Variants in GART observed in about 807,000 individuals in gnomAD.
The protein encoded by GART is phosphoribosylglycinamide formyltransferase, phosphoribosylglycinamide synthetase, phosphoribosylaminoimidazole synthetase, also known as trifunctional purine biosynthetic protein adenosine-3.
A neutral mutation model predicts 107.2 loss-of-function variants in GART; 43 were observed. That is an observed-to-expected ratio of 0.40 (90% CI 0.31 to 0.52). GART has a LOEUF of 0.52. Among genes scored for constraint, GART ranks in the 20% least tolerant of loss-of-function variants. The pLI, the probability that GART is intolerant of heterozygous loss-of-function variation, is 0.52. For missense variants in GART, 1,107 were observed against 1,206.5 expected, an observed-to-expected ratio of 0.92 and a Z score of 1.22; for synonymous variants, 434 against 427.0, an observed-to-expected ratio of 1.02 and a Z score of -0.20.
intron 16 of GART, among the ~76,000 whole-genome samples, chr21:33,513,117 G>C (rs2084818176): frequency 6.8e-6 from 1 of 147,500 alleles, no homozygotes; most frequent in Non-Finnish European, 1.5e-5. Flanking sequence ...GTGTGTGTGT[G>C]TGTGTGTGTG....
At chr21:33,508,745 G>C (rs1243902559) in intron 18 of GART, among the ~76,000 whole-genome samples, 1 of 151,924 alleles carries the variant, frequency 6.6e-6, no homozygotes, top group African/African-American at 2.4e-5. Flanking sequence ...TCGATCTCTT[G>C]ACCTTGTGAT....
intron 18 of GART, among the ~76,000 whole-genome samples, chr21:33,508,148 A>C (rs1312524226): frequency 6.6e-6 from 1 of 152,002 alleles, no homozygotes; most frequent in Non-Finnish European, 1.5e-5. Flanking sequence ...AGGATATGTA[A>C]TTGCTCCTAG....
intron 16 of GART, among the ~76,000 whole-genome samples, chr21:33,516,460 A>G (rs994856271): frequency 6.6e-6 from 1 of 151,948 alleles, no homozygotes; most frequent in Admixed American, 6.6e-5. Flanking sequence ...ACTTCTGCTC[A>G]CAGTCACCTT....
intron 2 of GART, among the ~76,000 whole-genome samples, chr21:33,538,562 T>TAGCAA: frequency 6.6e-6 from 1 of 152,270 alleles, no homozygotes; most frequent in South Asian, 2.1e-4. Context: ...AATACTAAAC[T>TAGCAA]TTCCATTTAC....
intron 15 of GART, 46 bp from the exon 16 acceptor site, chr21:33,517,187 A>C: frequency 1.3e-6 from 2 of 1,574,832 alleles, no homozygotes; most frequent in Non-Finnish European, 1.7e-6. Flanking sequence ...ATGAATAGAA[A>C]ACCAAAACAT....
In GART at chr21:33,509,917, G is replaced by C. The variant is rs2084754649; in HGVS notation, c.2318C>G (p.Ser773Cys). 6.2e-7 allele frequency: 1 copy of C among 1,609,552 alleles called. No homozygotes were observed. Among genetic ancestry groups the C allele is most frequent in the Non-Finnish European group, 8.5e-7 (1 of 1,178,304 alleles). ...IGSVVARAEG[S>C]PRVKVKNLIE... is the part of the protein sequence containing the mutation. ...CAGATTCTTGACTTTCACACGTGGG[G>C]AACCTTCATTTCAAACATATCCATA... Residue 773 changes from serine (S) to cysteine (C), a missense_variant, in exon 18 of 22, where the codon TCC (serine) becomes TGC (cysteine). By Grantham distance (112) the Ser-to-Cys change is moderately radical. Transcript: ENST00000381815.
chr21:33,507,826 T>C (rs1379090751), intron 18 of GART, among the ~76,000 whole-genome samples: 2 of 151,876 alleles, frequency 1.3e-5, no homozygotes, highest in Non-Finnish European at 1.5e-5. Context: ...AGTGAGACTC[T>C]ATCTCAAAAA....
At chr21:33,527,680 A>G (rs73900348) in intron 10 of GART, among the ~76,000 whole-genome samples, 3,828 of 152,156 alleles carry the variant, frequency 0.025, 164 homozygotes, top group African/African-American at 0.085. Context: ...GAGAGAGAGA[A>G]AAAAAAGAGA....
chr21:33,529,510 T>C (rs1303658623), intron 7 of GART: 2 of 149,036 alleles, frequency 1.3e-5, no homozygotes, highest in African/African-American at 5.0e-5. Context: ...TGGAGTGCAA[T>C]GGCGCAATCT....
At position 33,541,588 on chromosome 21, in the gene GART, C is replaced by A. The variant is rs1327051971; in HGVS notation, c.-42+477G>T. ...GCCTGGGCTCCTGAGTCTCACACAG[C>A]GCCTTGGCCTGGGTAGAGACGCTGC... On this transcript the variant is annotated intron_variant, in intron 1 of 21. Coordinates refer to ENST00000381815, the MANE Select transcript of GART (RefSeq NM_000819.5). 2.0e-5 allele frequency among the ~76,000 whole-genome samples: 3 copies of A among 152,200 alleles called. No individual in the cohort carries two copies. The East Asian group carries it at 5.8e-4, about 29-fold the overall frequency.
intron 4 of GART, among the ~76,000 whole-genome samples, chr21:33,532,741 T>C (rs1016594067): frequency 2.0e-5 from 3 of 152,190 alleles, no homozygotes; most frequent in Non-Finnish European, 2.9e-5. Flanking sequence ...ATAGAGTAGA[T>C]ATGGCATAAT....
At position 33,522,253 on chromosome 21, in the gene GART, T is replaced by C. The variant is rs756915404; in HGVS notation, c.1328A>G (p.Asp443Gly). ...GACCAGCATATTTCCAGCTGCGATA[T>C]CTACTCCAGATTCCTTGTAAGTCAA... ...RSLTYKESGVDIAAGNMLVKK... is the reference protein window; with the variant it reads ...RSLTYKESGVGIAAGNMLVKK... Residue 443 changes from aspartate to glycine, a missense_variant, in exon 12 of 22, where the codon GAT becomes GGT. Physicochemically the swap from Asp to Gly is moderately conservative, Grantham distance 94. Transcript: ENST00000381815. 3 of 1,613,894 alleles carry C rather than the reference T, an allele frequency of 1.9e-6. No homozygotes were observed. Among genetic ancestry groups the C allele is most frequent in the Non-Finnish European group, 2.5e-6 (3 of 1,179,856 alleles).
At chr21:33,505,387 A>G (rs1305884656) in intron 20 of GART, among the ~76,000 whole-genome samples, 174 bp downstream of exon 20, 2 of 152,178 alleles carry the variant, frequency 1.3e-5, no homozygotes, top group Non-Finnish European at 2.9e-5. Flanking sequence ...CTTTAGTGTA[A>G]AACAAAGGAA....
At chr21:33,528,425 A>C (rs898293319) in intron 9 of GART, 90 bp from the exon 10 acceptor site, 12 of 1,553,842 alleles carry the variant, frequency 7.7e-6, no homozygotes, top group Middle Eastern at 1.7e-4. Context: ...AACTTGCATG[A>C]ATTTCCCAAA....
Position 33,539,375 on chromosome 21 carries a change from A to C in GART, c.-41-19T>G. ...ATGAAACCTGCAGAAAGAAAACCAC[A>C]GTTTATATCTTAGGATGCACATTTT... On this transcript the variant is annotated intron_variant, in intron 1 of 21. Transcript: ENST00000381815. 6.4e-7 allele frequency: 1 copy of C among 1,562,774 alleles called. No homozygotes were observed. Among genetic ancestry groups the C allele is most frequent in the Non-Finnish European group, 8.7e-7 (1 of 1,153,700 alleles).
chr21:33,504,069 A>C lies in GART; in HGVS notation c.*55T>G, dbSNP rs1447563604. ...GCCAAGTCCATGATAAAAAACCACC[A>C]TGCAAACAGCAAATAATTCTTTCTA... On this transcript the variant is annotated 3_prime_UTR_variant, in exon 22 of 22. Coordinates refer to ENST00000381815, the MANE Select transcript of GART (RefSeq NM_000819.5). 7 of 1,500,134 alleles carry C rather than the reference A, an allele frequency of 4.7e-6. No homozygotes were observed. The East Asian group carries it at 1.4e-4, about 29-fold the overall frequency. 92.9% of individuals were successfully genotyped at this position (1,500,134 alleles called of 1,614,324 possible). A position where few individuals can be genotyped will look rare whatever the true frequency, so the allele number is the denominator to read the frequency against.
At chr21:33,539,400 T>C in intron 1 of GART, 44 bp from the exon 2 acceptor site, 1 of 1,489,134 alleles carries the variant, frequency 6.7e-7, no homozygotes, top group Non-Finnish European at 9.0e-7. Context: ...ATGCACATTT[T>C]AGAAACCCAG....
intron 12 of GART, among the ~76,000 whole-genome samples, 195 bp from the exon 13 acceptor site, chr21:33,521,210 G>C (rs2084967243): frequency 6.6e-6 from 1 of 152,156 alleles, no homozygotes; most frequent in Non-Finnish European, 1.5e-5. Context: ...TCATTTAATA[G>C]ATTAACATGT....
rs749841702 is a variant in GART, at chr21:33,517,040, A to G, written c.2056T>C (p.Leu686=). Residue 686 remains leucine, a synonymous_variant, in exon 16 of 22, where the codon TTA becomes CTA. Transcript: ENST00000381815. ...AGGACTCTGGGGATGTTCTCTAGTA[A>G]TCCTCCACCAGTAATATGGGCAAAG... ...KAFAHITGGG[L]LENIPRVLPE... 1 of 1,613,892 alleles carries G rather than the reference A, an allele frequency of 6.2e-7. No individual in the cohort carries two copies. The highest frequency in any genetic ancestry group is 1.1e-5 in the South Asian group (1 of 91,054).
Sources: gnomAD v4.1 joint callset for allele counts (sites outside exome capture counted in the v4.1 genomes callset) on GRCh38, gnomAD v4.1.1 for gene constraint, MANE v1.5 for transcripts, NCBI Gene and HGNC (gene_info 2026-07-23, HGNC 2026-07-21) for gene names.